The following EVC2 variants were observed in gnomAD, a reference collection of about 807,000 sequenced individuals.
EVC2 encodes the protein EvC ciliary complex subunit 2, also known as limbin.
A neutral mutation model predicts 149.3 loss-of-function variants in EVC2; 148 were observed. That is an observed-to-expected ratio of 0.99 (90% CI 0.87 to 1.14). The LOEUF is 1.14. EVC2 is among the 50% of genes most tolerant of loss of function. The pLI is 0.00. For synonymous variants in EVC2, 776 were observed against 649.9 expected, an observed-to-expected ratio of 1.19 and a Z score of -2.95; for missense variants, 1,854 against 1,627.3, an observed-to-expected ratio of 1.14 and a Z score of -2.40.
intron 6 of EVC2, 65 bp downstream of exon 6, chr4:5,685,305 C>T (rs1285127010): frequency 6.9e-7 from 1 of 1,459,118 alleles, no homozygotes; most frequent in Admixed American, 1.7e-5. Flanking sequence ...TCTGAAGTGT[C>T]CCTATTTCTA....
In EVC2 at chr4:5,674,608, T is replaced by C. The variant is rs116501966; in HGVS notation, c.870+6652A>G. Among the ~76,000 whole-genome samples, 1,191 of 152,214 alleles carry C rather than the reference T, an allele frequency of 7.8e-3. 8 individuals carry two copies. Among genetic ancestry groups the C allele is most frequent in the Middle Eastern group, 0.031 (9 of 294 alleles). ...CTCGGGCATCACAGCGTGCAGATGC[T>C]GGTCAGGGTCCAGCAGGAGGTTTAC... On this transcript the variant is annotated intron_variant, in intron 7 of 21. Transcript: ENST00000344408.
In EVC2 at chr4:5,681,245, T is replaced by C. The variant is rs1040879757; in HGVS notation, c.870+15A>G. On this transcript the variant is annotated intron_variant, in intron 7 of 21. Coordinates refer to ENST00000344408, the MANE Select transcript of EVC2 (RefSeq NM_147127.5). ...GTGTGTCCTGAGGGTGCTCAGGGCATGTCATGTCTCTTACCGTTACGTTTT... is the reference window on the plus strand; with the variant it reads ...GTGTGTCCTGAGGGTGCTCAGGGCACGTCATGTCTCTTACCGTTACGTTTT... 5.6e-6 allele frequency: 9 copies of C among 1,614,100 alleles called. No homozygotes were observed. Among genetic ancestry groups the C allele is most frequent in the South Asian group, 3.3e-5 (3 of 91,090 alleles).
intron 1 of EVC2, among the ~76,000 whole-genome samples, chr4:5,698,920 G>A (rs571263445): frequency 9.1e-4 from 138 of 152,346 alleles, no homozygotes; most frequent in African/African-American, 3.1e-3. Flanking sequence ...TGTTCACATG[G>A]CTCTCACGCG....
At chr4:5,663,030 C>G (rs968820059) in intron 9 of EVC2, 77 bp downstream of exon 9, 30 of 1,565,240 alleles carry the variant, frequency 1.9e-5, no homozygotes, top group Non-Finnish European at 2.5e-5. Flanking sequence ...GAAATATACT[C>G]AGCATTTGGC....
At chr4:5,549,252 G>C (rs1721687187) in intron 21 of EVC2, among the ~76,000 whole-genome samples, 1 of 152,048 alleles carries the variant, frequency 6.6e-6, no homozygotes, top group Non-Finnish European at 1.5e-5. Flanking sequence ...ACCTGTACTG[G>C]GTACCCGGGT....
At chr4:5,669,617 C>T (rs1434033104) in intron 7 of EVC2, among the ~76,000 whole-genome samples, 1 of 152,204 alleles carries the variant, frequency 6.6e-6, no homozygotes, top group Non-Finnish European at 1.5e-5. Flanking sequence ...GTTCCTTCTC[C>T]CCTTCTGTCT....
intron 9 of EVC2, among the ~76,000 whole-genome samples, chr4:5,641,735 C>T (rs6857788): frequency 0.66 from 99,819 of 152,080 alleles, 32,951 homozygotes; most frequent in African/African-American, 0.72. Context: ...TGTGAATCCA[C>T]CATTCAATCA....
rs1577240493 is a variant in EVC2, at chr4:5,677,366, G to A, written c.870+3894C>T. Among the ~76,000 whole-genome samples the A allele has an allele frequency of 6.6e-6, 1 of 152,300 alleles. No individual in the cohort carries two copies. Among genetic ancestry groups the A allele is most frequent in the East Asian group, 1.9e-4 (1 of 5,166 alleles). ...ACACAACACCATAGGGCCATCCTGT[G>A]CATACACCTCCTCTTCCCACTCAAC... On this transcript the variant is annotated intron_variant, in intron 7 of 21. Coordinates refer to ENST00000344408, the MANE Select transcript of EVC2 (RefSeq NM_147127.5). This position sits in a 1 kb window ranked among gnomAD's most constrained non-coding sequence, Gnocchi z 4.3.
At chr4:5,592,826 G>A (rs1346900207) in intron 16 of EVC2, among the ~76,000 whole-genome samples, 1 of 152,200 alleles carries the variant, frequency 6.6e-6, no homozygotes, top group Admixed American at 6.5e-5. Flanking sequence ...CATGTGAACA[G>A]CCCGCCCCAA....
chr4:5,685,495 C>A lies in EVC2; in HGVS notation c.707-16G>T. On this transcript the variant is annotated splice_polypyrimidine_tract_variant and intron_variant, in intron 5 of 21. Transcript: ENST00000344408. ...GCATCTCCCACTGCGCAGAGAAAAGCACATGTGACTCAGGGAGGGCTTGGC... is the reference window on the plus strand; with the variant it reads ...GCATCTCCCACTGCGCAGAGAAAAGAACATGTGACTCAGGGAGGGCTTGGC... 6.2e-7 allele frequency: 1 copy of A among 1,612,216 alleles called. No homozygotes were observed. Among genetic ancestry groups the A allele is most frequent in the South Asian group, 1.1e-5 (1 of 91,034 alleles).
chr4:5,598,806 T>G (rs947957800), intron 16 of EVC2, among the ~76,000 whole-genome samples: 1 of 152,148 alleles, frequency 6.6e-6, no homozygotes, highest in African/African-American at 2.4e-5. Flanking sequence ...GAGAAAATTT[T>G]TGCAACCTAC....
chr4:5,683,903 C>G (rs1033856259), intron 6 of EVC2, among the ~76,000 whole-genome samples: 10 of 150,546 alleles, frequency 6.6e-5, no homozygotes, highest in Non-Finnish European at 1.2e-4. Context: ...TACACGGGAA[C>G]ACACACAGCT....
chr4:5,622,639 T>C lies in EVC2; in HGVS notation c.2399A>G (p.Gln800Arg). Residue 800 changes from glutamine (Q) to arginine (R), a missense_variant, in exon 14 of 22, where the codon CAG becomes CGG. By Grantham distance (43) the Gln-to-Arg change is conservative (BLOSUM62 1). Transcript: ENST00000344408. The surrounding 1 kb of genome is among the most constrained non-coding windows in gnomAD (Gnocchi z 5.8). ...QLEGEERDRD[Q>R]EGVQSVRQRL... ...CTGCCTCACGCTCTGGACACCCTCCTGGTCCCTGTCCCTCTCCTCCCCCTC... is the reference window on the plus strand; with the variant it reads ...CTGCCTCACGCTCTGGACACCCTCCCGGTCCCTGTCCCTCTCCTCCCCCTC... The C allele has an allele frequency of 1.2e-6, 2 of 1,614,074 alleles. No individual in the cohort carries two copies. The highest frequency in any genetic ancestry group is 1.7e-6 in the Non-Finnish European group (2 of 1,180,006).
chr4:5,596,341 T>C (rs1326819501), intron 16 of EVC2, among the ~76,000 whole-genome samples: 3 of 152,078 alleles, frequency 2.0e-5, no homozygotes, highest in African/African-American at 7.2e-5. Flanking sequence ...TCAGCAAATA[T>C]AAAAGATCAG....
At chr4:5,619,080 G>A (rs1187687956) in intron 14 of EVC2, among the ~76,000 whole-genome samples, 1 of 152,196 alleles carries the variant, frequency 6.6e-6, no homozygotes, top group Non-Finnish European at 1.5e-5. Flanking sequence ...ACAAAACTCA[G>A]CTCAGGGAGG....
intron 17 of EVC2, among the ~76,000 whole-genome samples, chr4:5,578,452 A>G (rs1369705625): frequency 6.6e-6 from 1 of 152,202 alleles, no homozygotes; most frequent in Non-Finnish European, 1.5e-5. Flanking sequence ...AATTTTATGT[A>G]TAAGGTAACT....
At chr4:5,673,891 A>G (rs1480982041) in intron 7 of EVC2, among the ~76,000 whole-genome samples, 1 of 152,194 alleles carries the variant, frequency 6.6e-6, no homozygotes. Context: ...GCATGAAGCT[A>G]TTTTATTCTT....
intron 21 of EVC2, among the ~76,000 whole-genome samples, chr4:5,564,355 A>G (rs746011383): frequency 2.0e-4 from 30 of 152,242 alleles, no homozygotes; most frequent in Non-Finnish European, 3.4e-4. Context: ...TTAGAGTTCT[A>G]TAGAATGAAT....
In EVC2 at chr4:5,574,745, G is replaced by A. The variant is rs1577106532; in HGVS notation, c.3300C>T (p.Val1100=). The part of the protein sequence containing the change: ...QCLREEQQNS[V]VLEDLLENME... Reference sequence around the variant, plus strand: ...TGTTTTCCAACAAGTCTTCTAGCACGACACTGTTCTGTTGTTCCTCTCTCA... The same window carrying A: ...TGTTTTCCAACAAGTCTTCTAGCACAACACTGTTCTGTTGTTCCTCTCTCA... The change falls in exon 19 of 22, where the codon GTC becomes GTT. Residue 1100 remains valine, a synonymous_variant. Transcript: ENST00000344408. The A allele has an allele frequency of 5.0e-6, 8 of 1,614,052 alleles. No individual in the cohort carries two copies. The highest frequency in any genetic ancestry group is 1.1e-5 in the South Asian group (1 of 91,076).
Sources: allele counts gnomAD v4.1 joint callset (sites outside exome capture counted in the v4.1 genomes callset), GRCh38; gene constraint gnomAD v4.1.1; non-coding constraint Gnocchi (gnomAD v3.1); transcripts MANE v1.5; gene names NCBI Gene and HGNC (gene_info 2026-07-23, HGNC 2026-07-21).